Variants in CALN1 observed in about 807,000 individuals in gnomAD.
The protein encoded by CALN1 is calneuron 1, also known as calcium-binding protein 8.
A neutral mutation model predicts 30.6 loss-of-function variants in CALN1; 17 were observed. The observed-to-expected ratio is 0.56, with a 90% CI of 0.38 to 0.83. The LOEUF is 0.83. CALN1 is among the 40% of genes least tolerant of loss of function. The pLI is 0.00. For synonymous variants in CALN1, 156 were observed against 131.4 expected (o/e 1.19, Z -1.28); for missense variants, 291 against 354.9 (o/e 0.82, Z 1.45).
intron 5 of CALN1, among the ~76,000 whole-genome samples, chr7:71,896,051 T>C (rs6460694): frequency 0.38 from 58,292 of 152,042 alleles, 13,230 homozygotes; most frequent in African/African-American, 0.62. Context: ...CCCTGTATAG[T>C]GCCTGCTGTG....
At chr7:71,842,567 C>T (rs1225661553) in intron 5 of CALN1, among the ~76,000 whole-genome samples, 1 of 152,212 alleles carries the variant, frequency 6.6e-6, no homozygotes, top group African/African-American at 2.4e-5. Flanking sequence ...AAGAAAACCT[C>T]AGCACAGCCT....
rs1385628573 is a variant in CALN1 at position 71,924,594 on chromosome 7, T to A, written c.501+99063A>T. Reference sequence around the variant, plus strand: ...AATATCTGAGGTTTGTGTTCCTAATTCCTTGTTTTTAAATAGCTGTACCTT... The same window carrying A: ...AATATCTGAGGTTTGTGTTCCTAATACCTTGTTTTTAAATAGCTGTACCTT... On this transcript the variant is annotated intron_variant, in intron 5 of 6. Transcript: ENST00000395275. Among the ~76,000 whole-genome samples, 6 of 152,124 alleles carry A rather than the reference T, an allele frequency of 3.9e-5. No individual in the cohort carries two copies. The East Asian group carries it at 1.2e-3, about 29-fold the overall frequency.
At chr7:72,326,107 T>C (rs1185452524) in intron 2 of CALN1, among the ~76,000 whole-genome samples, 5 of 152,200 alleles carry the variant, frequency 3.3e-5, no homozygotes, top group African/African-American at 4.8e-5. Context: ...TTCACCATGT[T>C]GGCCAGGCTG....
In CALN1 at chr7:72,222,412, A is replaced by G. The variant is rs192609813; in HGVS notation, c.244+56274T>C. Among the ~76,000 whole-genome samples, 55 of 152,246 alleles carry G rather than the reference A, an allele frequency of 3.6e-4. No homozygotes were observed. The East Asian group carries it at 7.4e-3, about 20-fold the overall frequency. On this transcript the variant is annotated intron_variant, in intron 3 of 6. Coordinates refer to ENST00000395275, the MANE Select transcript of CALN1 (RefSeq NM_031468.4). ...TATGTCACATGGCAAAAGCAGGAGC[A>G]AGAGAGAGGGGAGATACCACACACT...
intron 5 of CALN1, among the ~76,000 whole-genome samples, chr7:71,904,106 G>A (rs1584481797): frequency 6.6e-6 from 1 of 152,274 alleles, no homozygotes; most frequent in South Asian, 2.1e-4. Context: ...TTGTGGGAAT[G>A]TACATTAGTG....
intron 5 of CALN1, among the ~76,000 whole-genome samples, chr7:71,884,249 G>A (rs1337374063): frequency 1.3e-5 from 2 of 152,074 alleles, no homozygotes; most frequent in Non-Finnish European, 2.9e-5. Flanking sequence ...AGCTTCCTGG[G>A]ACTTTTGGGG....
intron 5 of CALN1, among the ~76,000 whole-genome samples, chr7:72,008,397 T>C (rs1367077363): frequency 1.3e-5 from 2 of 151,626 alleles, no homozygotes; most frequent in Non-Finnish European, 2.9e-5. Flanking sequence ...AAGAAGAAAA[T>C]TTATATCTAA....
intron 3 of CALN1, among the ~76,000 whole-genome samples, chr7:72,258,996 G>C (rs551937714): frequency 2.0e-5 from 3 of 151,870 alleles, no homozygotes; most frequent in East Asian, 3.9e-4. Flanking sequence ...CAGGAGAATT[G>C]CTTGAACCTG....
intron 3 of CALN1, among the ~76,000 whole-genome samples, chr7:72,174,967 T>A (rs982438832): frequency 1.6e-4 from 24 of 149,798 alleles, no homozygotes; most frequent in Non-Finnish European, 2.1e-4. Context: ...CTGTCTTTGG[T>A]CTCTTTATTG....
At chr7:72,051,336 T>C (rs967378919) in intron 4 of CALN1, among the ~76,000 whole-genome samples, 1 of 152,238 alleles carries the variant, frequency 6.6e-6, no homozygotes, top group Admixed American at 6.5e-5. Flanking sequence ...GTACTTTGTA[T>C]AACCAAAAGC....
chr7:71,967,745 G>A (rs1276619747), intron 5 of CALN1, among the ~76,000 whole-genome samples: 3 of 151,544 alleles, frequency 2.0e-5, no homozygotes, highest in Non-Finnish European at 4.4e-5. Flanking sequence ...TTTAAAAAGG[G>A]GAAGATTTGA....
intron 2 of CALN1, among the ~76,000 whole-genome samples, chr7:72,387,976 T>A (rs1222405843): frequency 1.3e-5 from 2 of 152,206 alleles, no homozygotes; most frequent in Non-Finnish European, 2.9e-5. Flanking sequence ...GTAAAGTGAC[T>A]GTAATTAACA....
intron 5 of CALN1, among the ~76,000 whole-genome samples, chr7:71,850,937 G>A (rs1486466262): frequency 6.6e-6 from 1 of 152,112 alleles, no homozygotes; most frequent in East Asian, 1.9e-4. Flanking sequence ...TATTGGCCTG[G>A]TGCAGTGGCT....
intron 2 of CALN1, among the ~76,000 whole-genome samples, chr7:72,315,984 T>TA (rs111795111): frequency 2.5e-4 from 37 of 150,236 alleles, no homozygotes; most frequent in East Asian, 7.8e-4. Context: ...CCGTCTCTAC[T>TA]AAAAAAAAAT....
rs148901804 is a variant in CALN1, at chr7:72,248,734, G to A, written c.244+29952C>T. ...TCACAAGTGTCAGGAATTAGGACAC[G>A]CACATCTTTAGGGGGATATCTTTGG... On this transcript the variant is annotated intron_variant, in intron 3 of 6. Transcript: ENST00000395275. Among the ~76,000 whole-genome samples, 938 of 151,846 alleles carry A rather than the reference G, an allele frequency of 6.2e-3. 14 individuals are homozygous for A. Among genetic ancestry groups the A allele is most frequent in the African/African-American group, 0.021 (886 of 41,412 alleles).
intron 4 of CALN1, among the ~76,000 whole-genome samples, chr7:72,104,521 C>T (rs1286508928): frequency 6.6e-6 from 1 of 152,092 alleles, no homozygotes; most frequent in Non-Finnish European, 1.5e-5. Flanking sequence ...AGCCCAGCAC[C>T]CATTAGCTAT....
At chr7:72,240,987 T>C (rs1041193901) in intron 3 of CALN1, among the ~76,000 whole-genome samples, 3 of 152,206 alleles carry the variant, frequency 2.0e-5, no homozygotes, top group East Asian at 1.9e-4. Flanking sequence ...TCTAAAAGCA[T>C]TACTTACTCC....
intron 2 of CALN1, among the ~76,000 whole-genome samples, chr7:72,312,375 A>G (rs560108443): frequency 6.8e-6 from 1 of 148,132 alleles, no homozygotes; most frequent in South Asian, 2.2e-4. Flanking sequence ...CCTAGACAAC[A>G]GAGTGAGACT....
At chr7:71,840,409 CAGG>C (rs1329215491) in intron 5 of CALN1, among the ~76,000 whole-genome samples, 2 of 148,952 alleles carry the variant, frequency 1.3e-5, no homozygotes, top group Non-Finnish European at 3.0e-5. Flanking sequence ...CATTTGAGCC[CAGG>C]AGTTTACAGC....
Sources: allele counts gnomAD v4.1 joint callset (sites outside exome capture counted in the v4.1 genomes callset), GRCh38; gene constraint gnomAD v4.1.1; transcripts MANE v1.5; gene names NCBI Gene and HGNC (gene_info 2026-07-23, HGNC 2026-07-21).